CRADD: variants seen among roughly 807,000 people sequenced by gnomAD.
The protein encoded by CRADD is CARD and death domain containing adaptor protein.
CRADD carries 9 observed loss-of-function variants against 15.5 expected under a neutral mutation model. That is an observed-to-expected ratio of 0.58 (90% CI 0.35 to 1.01). The LOEUF (loss-of-function observed/expected upper bound fraction) is 1.01. Among genes scored for constraint, CRADD ranks in the 50% least tolerant of loss-of-function variants. The probability of loss-of-function intolerance (pLI) is 0.02; values close to 1 mark genes in which losing one functional copy is unlikely to be tolerated. For synonymous variants in CRADD, 118 were observed against 107.6 expected, an observed-to-expected ratio of 1.10 and a Z score of -0.60; for missense variants, 227 against 250.3, an observed-to-expected ratio of 0.91 and a Z score of 0.63.
downstream of CRADD, among the ~76,000 whole-genome samples, chr12:93,852,014 C>T (rs947701985): frequency 3.3e-5 from 5 of 152,230 alleles, no homozygotes; most frequent in African/African-American, 1.2e-4. Context: ...GGATAGTCTA[C>T]TGGCCTTATC....
chr12:93,744,042 C>T (rs923370506), intron 2 of CRADD, among the ~76,000 whole-genome samples: 8 of 152,084 alleles, frequency 5.3e-5, no homozygotes, highest in African/African-American at 1.2e-4. Flanking sequence ...CCCTTGTATT[C>T]GTTTTCTATT....
chr12:93,804,184 G>A (rs1318258824), intron 2 of CRADD, among the ~76,000 whole-genome samples: 2 of 152,060 alleles, frequency 1.3e-5, no homozygotes, highest in Non-Finnish European at 1.5e-5. Context: ...CATCTGTAGA[G>A]TAGGCACATC....
downstream of CRADD, among the ~76,000 whole-genome samples, chr12:93,853,755 A>G (rs1958247921): frequency 1.3e-5 from 2 of 152,178 alleles, no homozygotes; most frequent in South Asian, 4.1e-4. Context: ...TGGGAGGGCA[A>G]ATGAATTTTA....
intron 2 of CRADD, among the ~76,000 whole-genome samples, chr12:93,781,152 C>G (rs1010538134): frequency 9.9e-5 from 15 of 151,912 alleles, no homozygotes; most frequent in African/African-American, 2.9e-4. Flanking sequence ...CAGAAGCCAA[C>G]CTGAGGGGAT....
chr12:93,772,539 C>T (rs990265855), intron 2 of CRADD, among the ~76,000 whole-genome samples: 1 of 152,210 alleles, frequency 6.6e-6, no homozygotes, highest in Non-Finnish European at 1.5e-5. Flanking sequence ...AATTAATTAA[C>T]ATGCAAATAC....
chr12:93,716,780 G>A (rs1956171655), intron 2 of CRADD, among the ~76,000 whole-genome samples: 1 of 152,148 alleles, frequency 6.6e-6, no homozygotes. Flanking sequence ...TTCACCTACT[G>A]AAGGATATCT....
At chr12:93,805,345 A>G (rs1957524924) in intron 2 of CRADD, among the ~76,000 whole-genome samples, 1 of 152,054 alleles carries the variant, frequency 6.6e-6, no homozygotes, top group African/African-American at 2.4e-5. Flanking sequence ...TAGAAGAAGT[A>G]TAGAAATTAC....
At position 93,826,492 on chromosome 12, in the gene CRADD, C is replaced by T. The variant is rs531414522; in HGVS notation, c.299-23478C>T. Among the ~76,000 whole-genome samples, 5 of 152,318 alleles carry T rather than the reference C, an allele frequency of 3.3e-5. 1 individual carries two copies. The highest frequency in any genetic ancestry group is 9.6e-5 in the African/African-American group (4 of 41,574). The stretch of plus-strand genomic sequence containing the variant: ...TCCTGTGATTTATAGTTGTTTTAAA[C>T]GTTTAATACTTTTTACATTTTCAAA... On this transcript the variant is annotated intron_variant, in intron 2 of 2. Coordinates refer to ENST00000332896, the MANE Select transcript of CRADD (RefSeq NM_003805.5).
At chr12:93,836,778 G>T (rs182613396) in intron 2 of CRADD, among the ~76,000 whole-genome samples, 2 of 152,308 alleles carry the variant, frequency 1.3e-5, no homozygotes, top group East Asian at 3.9e-4. Flanking sequence ...CCTACTATGT[G>T]CAAGGCACTA....
At chr12:93,874,099 G>A (rs746976933) in intron 2 of CRADD, among the ~76,000 whole-genome samples, 15 of 151,894 alleles carry the variant, frequency 9.9e-5, no homozygotes, top group Non-Finnish European at 1.8e-4. Context: ...TGGGAGACTT[G>A]TTATTATGGA....
chr12:93,864,140 G>A (rs982731526), intron 2 of CRADD, among the ~76,000 whole-genome samples: 7 of 152,134 alleles, frequency 4.6e-5, no homozygotes, highest in Non-Finnish European at 8.8e-5. Context: ...CTATAGCCTC[G>A]AAGTCCCAGG....
intron 2 of CRADD, among the ~76,000 whole-genome samples, chr12:93,690,656 C>T (rs1207364165): frequency 1.3e-5 from 2 of 152,192 alleles, no homozygotes; most frequent in African/African-American, 4.8e-5. Context: ...TTGCATTTCA[C>T]AGATGAGGAG....
intron 2 of CRADD, among the ~76,000 whole-genome samples, chr12:93,702,552 A>G (rs1955861352): frequency 6.6e-6 from 1 of 151,474 alleles, no homozygotes; most frequent in African/African-American, 2.4e-5. Context: ...GGAACTGAGA[A>G]TCCCAAATGC....
downstream of CRADD, among the ~76,000 whole-genome samples, chr12:93,855,595 A>G (rs1958266474): frequency 6.6e-6 from 1 of 152,164 alleles, no homozygotes; most frequent in African/African-American, 2.4e-5. Flanking sequence ...AGTGAGAGGT[A>G]TGGGAAATAA....
intron 2 of CRADD, among the ~76,000 whole-genome samples, chr12:93,884,387 C>A (rs1958521866): frequency 1.3e-5 from 2 of 152,142 alleles, no homozygotes; most frequent in South Asian, 4.1e-4. Flanking sequence ...CAGGAGACAG[C>A]CAGAGGTCCC....
At chr12:93,799,566 G>A (rs924087066) in intron 2 of CRADD, among the ~76,000 whole-genome samples, 1 of 152,062 alleles carries the variant, frequency 6.6e-6, no homozygotes, top group African/African-American at 2.4e-5. Flanking sequence ...CTTTTGCAGT[G>A]GAAATGTTCC....
chr12:93,712,183 C>T (rs931665764), intron 2 of CRADD, among the ~76,000 whole-genome samples: 1 of 152,146 alleles, frequency 6.6e-6, no homozygotes, highest in Non-Finnish European at 1.5e-5. Flanking sequence ...GAAAGAGGTA[C>T]ATACTTCGTA....
At chr12:93,816,369 G>GCA (rs1957697199) in intron 2 of CRADD, among the ~76,000 whole-genome samples, 4 of 134,924 alleles carry the variant, frequency 3.0e-5, no homozygotes, top group African/African-American at 1.2e-4. Flanking sequence ...GGCGTGTGCC[G>GCA]TGATGCCTGG....
intron 2 of CRADD, among the ~76,000 whole-genome samples, chr12:93,736,679 T>C (rs1956575747): frequency 1.3e-5 from 2 of 152,232 alleles, no homozygotes; most frequent in Admixed American, 1.3e-4. Flanking sequence ...ATCCTACCCC[T>C]GGTCTAATTA....
Sources: allele counts gnomAD v4.1 joint callset (sites outside exome capture counted in the v4.1 genomes callset), GRCh38; gene constraint gnomAD v4.1.1; transcripts MANE v1.5; gene names NCBI Gene and HGNC (gene_info 2026-07-23, HGNC 2026-07-21).